Variants in LOC122455340 observed in about 807,000 individuals in gnomAD.
At chr12:53,242,416 C>G in the LOC122455340 span, 1 of 398,278 alleles carries the variant, frequency 2.5e-6, no homozygotes, top group Non-Finnish European at 4.4e-6. Flanking sequence ...CAACGCACTT[C>G]TCGGGGGCGC....
At chr12:53,242,585 C>T in the LOC122455340 span, 3 of 396,880 alleles carry the variant, frequency 7.6e-6, no homozygotes, top group Non-Finnish European at 1.3e-5. Flanking sequence ...TGGCTTTCCC[C>T]AGTCCTGGAG....
At chr12:53,241,904 T>A in the LOC122455340 span, 1 of 396,696 alleles carries the variant, frequency 2.5e-6, no homozygotes, top group African/African-American at 2.1e-5. Flanking sequence ...GCCCCCAGCC[T>A]GGCCACAACT....
At chr12:53,241,977 C>A in the LOC122455340 span, 1 of 399,274 alleles carries the variant, frequency 2.5e-6, no homozygotes, top group Non-Finnish European at 4.4e-6. Flanking sequence ...GCCTGCCCAC[C>A]AAGAGCCTCC....
the LOC122455340 span, chr12:53,242,603 A>G: frequency 1.0e-5 from 4 of 395,696 alleles, no homozygotes; most frequent in African/African-American, 8.2e-5. Flanking sequence ...GAGAGGTGGC[A>G]GGGGGAATCT....
chr12:53,242,055 T>G, the LOC122455340 span: 1 of 399,656 alleles, frequency 2.5e-6, no homozygotes, highest in Non-Finnish European at 4.4e-6. Context: ...TGCCTGTGCC[T>G]TCCCCTGCCA....
At chr12:53,242,342 C>T in the LOC122455340 span, 1 of 398,292 alleles carries the variant, frequency 2.5e-6, no homozygotes, top group Non-Finnish European at 4.4e-6. Context: ...GTAGCTGTGG[C>T]CAAGGGGCTG....
At chr12:53,242,508 G>A in the LOC122455340 span, 1 of 398,242 alleles carries the variant, frequency 2.5e-6, no homozygotes, top group Non-Finnish European at 4.4e-6. Context: ...CCCTGGCAAG[G>A]AGGCAGGAGC....
the LOC122455340 span, chr12:53,242,172 C>G: frequency 2.5e-6 from 1 of 401,276 alleles, no homozygotes; most frequent in East Asian, 3.6e-5. Flanking sequence ...CTCTTGCCCC[C>G]GCTGCCCTGC....
the LOC122455340 span, chr12:53,241,910 C>T: frequency 2.5e-6 from 1 of 399,218 alleles, no homozygotes; most frequent in Non-Finnish European, 4.4e-6. Flanking sequence ...AGCCTGGCCA[C>T]AACTGCAGCT....
At chr12:53,242,571 C>T in the LOC122455340 span, 1 of 397,050 alleles carries the variant, frequency 2.5e-6, no homozygotes, top group African/African-American at 2.1e-5. Flanking sequence ...CAGGTAGAGG[C>T]AGCTGGCTTT....
chr12:53,242,573 G>T, the LOC122455340 span: 1 of 397,236 alleles, frequency 2.5e-6, no homozygotes, highest in Non-Finnish European at 4.4e-6. Flanking sequence ...GGTAGAGGCA[G>T]CTGGCTTTCC....
chr12:53,242,113 C>T, the LOC122455340 span: 1 of 400,962 alleles, frequency 2.5e-6, no homozygotes, highest in Non-Finnish European at 4.4e-6. Context: ...CCCTCTAGTG[C>T]AGCTCCCTGC....
chr12:53,242,130 TG>T, the LOC122455340 span: 1 of 400,706 alleles, frequency 2.5e-6, no homozygotes, highest in Non-Finnish European at 4.4e-6. Context: ...CTGCCCCGCT[TG>T]TCCCAGCCTC....
At chr12:53,242,290 G>A in the LOC122455340 span, 13 of 399,008 alleles carry the variant, frequency 3.3e-5, no homozygotes, top group Admixed American at 8.8e-5. Context: ...TCCATGAGCC[G>A]AGCTGCCTGT....
the LOC122455340 span, chr12:53,242,456 ACCAGGAG>A: frequency 2.5e-6 from 1 of 397,888 alleles, no homozygotes; most frequent in South Asian, 1.3e-4. Flanking sequence ...ACTGTTGCCC[ACCAGGAG>A]ACTGTCAGTT....
chr12:53,241,952 G>A, the LOC122455340 span: 1 of 399,086 alleles, frequency 2.5e-6, no homozygotes, highest in Non-Finnish European at 4.4e-6. Context: ...TACGCTTGGG[G>A]CCTAGGAATA....
chr12:53,242,527 G>A, the LOC122455340 span: 4 of 397,990 alleles, frequency 1.0e-5, no homozygotes, highest in South Asian at 1.4e-4. Context: ...GCTGGGTGGA[G>A]TGGGAGAGGG....
At chr12:53,242,014 C>T in the LOC122455340 span, 3 of 399,844 alleles carry the variant, frequency 7.5e-6, no homozygotes, top group Non-Finnish European at 1.3e-5. Context: ...GGTCCACCTG[C>T]TGGCTCTCCT....
chr12:53,242,482 C>T, the LOC122455340 span: 22 of 398,190 alleles, frequency 5.5e-5, no homozygotes, highest in Admixed American at 5.7e-4. Context: ...TTTCCTGGAG[C>T]ACTTCCGTAC....
Sources: allele counts gnomAD v4.1 joint callset, GRCh38; gene constraint gnomAD v4.1.1; transcripts MANE v1.5.